The following PRKAR1B variants were observed in gnomAD, a reference collection of about 807,000 sequenced individuals.
PRKAR1B encodes cAMP-dependent protein kinase type I-beta regulatory subunit.
A neutral mutation model predicts 46.5 loss-of-function variants in PRKAR1B; 22 were observed. That is an observed-to-expected ratio of 0.47 (90% CI 0.34 to 0.68). The LOEUF is 0.68. Ranked by LOEUF, PRKAR1B falls within the 30% of genes least tolerant of loss-of-function variation. The probability of loss-of-function intolerance (pLI) is 0.01; values close to 1 mark genes in which losing one functional copy is unlikely to be tolerated. For synonymous variants in PRKAR1B, 259 were observed against 217.7 expected (o/e 1.19, Z -1.67); for missense variants, 445 against 535.6 (o/e 0.83, Z 1.67).
chr7:653,413 G>T (rs1785018157), intron 4 of PRKAR1B, among the ~76,000 whole-genome samples: 1 of 152,198 alleles, frequency 6.6e-6, no homozygotes, highest in South Asian at 2.1e-4. Context: ...GTGAGGGCTG[G>T]CTTCCAGAAG....
intron 9 of PRKAR1B, among the ~76,000 whole-genome samples, chr7:561,367 C>A (rs371789221): frequency 6.6e-6 from 1 of 152,352 alleles, no homozygotes; most frequent in African/African-American, 2.4e-5. Context: ...AATAAATAAG[C>A]CCCATGGATG....
At chr7:697,706 GC>G (rs1779817698) in intron 2 of PRKAR1B, among the ~76,000 whole-genome samples, 1 of 151,776 alleles carries the variant, frequency 6.6e-6, no homozygotes, top group Admixed American at 6.6e-5. Flanking sequence ...ATCATCCCCA[GC>G]CATGAGGCGG....
intron 2 of PRKAR1B, among the ~76,000 whole-genome samples, chr7:703,800 G>T (rs1780180785): frequency 6.6e-6 from 1 of 151,920 alleles, no homozygotes; most frequent in Non-Finnish European, 1.5e-5. Context: ...TATTCACCAA[G>T]ATAAAGCATA....
intron 4 of PRKAR1B, among the ~76,000 whole-genome samples, chr7:672,303 A>G (rs1271081760): frequency 6.6e-6 from 1 of 151,970 alleles, no homozygotes; most frequent in African/African-American, 2.4e-5. Flanking sequence ...GGCATGCGCA[A>G]CTGTGCTCAG....
intron 4 of PRKAR1B, among the ~76,000 whole-genome samples, chr7:649,019 C>T (rs1165616646): frequency 6.6e-6 from 1 of 151,986 alleles, no homozygotes; most frequent in Non-Finnish European, 1.5e-5. Flanking sequence ...CAAAAATTAG[C>T]CTGGCATGGT....
intron 9 of PRKAR1B, among the ~76,000 whole-genome samples, chr7:577,419 T>A (rs1779920988): frequency 6.6e-6 from 1 of 152,090 alleles, no homozygotes; most frequent in South Asian, 2.1e-4. Context: ...TTGGGGCGTG[T>A]GCTTAGGGAG....
At chr7:608,634 G>GA (rs1162481189) in intron 4 of PRKAR1B, among the ~76,000 whole-genome samples, 2 of 52,236 alleles carry the variant, frequency 3.8e-5, no homozygotes, top group African/African-American at 1.1e-4. Context: ...GGGCTGGGGG[G>GA]CCTCCACTGT....
chr7:726,616 A>G (rs943421715), intron 1 of PRKAR1B: 4 of 888,330 alleles, frequency 4.5e-6, no homozygotes, highest in South Asian at 5.6e-5. Flanking sequence ...GCGGGGAGGA[A>G]GTAGCCCGGC....
chr7:636,746 G>T (rs1201754046), intron 4 of PRKAR1B, among the ~76,000 whole-genome samples: 1 of 152,220 alleles, frequency 6.6e-6, no homozygotes, highest in Non-Finnish European at 1.5e-5. Context: ...GGGCCGGCGG[G>T]ACCTGACGGG....
chr7:685,284 ATATATGTATACATATATATATACG>A (rs67821513), intron 2 of PRKAR1B, among the ~76,000 whole-genome samples: 54,351 of 75,776 alleles, frequency 0.72, 20,749 homozygotes, highest in East Asian at 0.77. Flanking sequence ...ATATACGTAT[ATATATGTATACATATATATATACG>A]TATATATACG....
intron 4 of PRKAR1B, among the ~76,000 whole-genome samples, chr7:630,832 C>T (rs531556927): frequency 6.6e-6 from 1 of 152,296 alleles, no homozygotes; most frequent in Non-Finnish European, 1.5e-5. Flanking sequence ...CCAGGGAGCA[C>T]CATCACCCAG....
intron 2 of PRKAR1B, among the ~76,000 whole-genome samples, chr7:706,391 T>G (rs1268080343): frequency 6.6e-6 from 1 of 150,764 alleles, no homozygotes; most frequent in Non-Finnish European, 1.5e-5. Flanking sequence ...CTGGGGAAAC[T>G]CCCACGCTGT....
Position 677,316 on chromosome 7 carries a change from A to G in PRKAR1B, c.353T>C (p.Ile118Thr). Reference protein sequence around the residue: ...EDAVSYVRKVIPKDYKTMTAL... With the variant: ...EDAVSYVRKVTPKDYKTMTAL... Reference sequence around the variant, plus strand: ...AGTCATGGTTTTGTAGTCCTTGGGAATCACCTGAAGCGGAGCCAACACATC... The same window carrying G: ...AGTCATGGTTTTGTAGTCCTTGGGAGTCACCTGAAGCGGAGCCAACACATC... The change falls in exon 4 of 11, where the codon ATT (isoleucine) becomes ACT (threonine). Residue 118 changes from isoleucine (I) to threonine (T), a missense_variant. Ile to Thr is a moderately conservative substitution (Grantham distance 89, BLOSUM62 -1). Coordinates refer to ENST00000537384, the MANE Select transcript of PRKAR1B (RefSeq NM_001164760.2). 1 of 1,614,218 alleles carries G rather than the reference A, an allele frequency of 6.2e-7. No individual in the cohort carries two copies. The highest frequency in any genetic ancestry group is 8.5e-7 in the Non-Finnish European group (1 of 1,180,032).
chr7:708,014 C>G (rs763513567), intron 2 of PRKAR1B, among the ~76,000 whole-genome samples: 1 of 150,076 alleles, frequency 6.7e-6, no homozygotes, highest in Non-Finnish European at 1.5e-5. Flanking sequence ...AAGATGATCA[C>G]CAGCACCACC....
intron 2 of PRKAR1B, 66 bp downstream of exon 2, chr7:711,263 C>A: frequency 6.3e-7 from 1 of 1,580,274 alleles, no homozygotes; most frequent in Non-Finnish European, 8.6e-7. Context: ...GGGAAGGCTT[C>A]CCCGGCTGCC....
At chr7:552,492 A>C (rs1171349525) in intron 9 of PRKAR1B, among the ~76,000 whole-genome samples, 5 of 75,240 alleles carry the variant, frequency 6.6e-5, no homozygotes, top group East Asian at 3.3e-4. Context: ...CCAAACCCCC[A>C]CCTCCCACCC....
At chr7:579,022 G>A in intron 9 of PRKAR1B, 1 of 985,298 alleles carries the variant, frequency 1.0e-6, no homozygotes. Flanking sequence ...TCAGGCACCA[G>A]CCACCTACCT....
rs957035538 is a variant in PRKAR1B at position 560,515 on chromosome 7, C to A, written c.892-9045G>T. On this transcript the variant is annotated intron_variant, in intron 9 of 10. Transcript: ENST00000537384. This position sits in a 1 kb window ranked among gnomAD's most constrained non-coding sequence, Gnocchi z 4.2. ...AGGTGTTCAACACACGAGCTTAACCCAGGCTTCCCCCTGACCTGGCCAGGA... is the reference window on the plus strand; with the variant it reads ...AGGTGTTCAACACACGAGCTTAACCAAGGCTTCCCCCTGACCTGGCCAGGA... Among the ~76,000 whole-genome samples the A allele has an allele frequency of 1.3e-5, 2 of 152,110 alleles. No homozygotes were observed. Among genetic ancestry groups the A allele is most frequent in the Non-Finnish European group, 2.9e-5 (2 of 68,026 alleles).
At position 667,620 on chromosome 7, in the gene PRKAR1B, A is replaced by G. The variant is rs989652587; in HGVS notation, c.440+9609T>C. On this transcript the variant is annotated intron_variant, in intron 4 of 10. Transcript: ENST00000537384. This position sits in a 1 kb window ranked among gnomAD's most constrained non-coding sequence, Gnocchi z 4.3. ...GCAATGCCTAAATCACCCATTCTCA[A>G]TCTTCCTTCACCATGCAGGCAGGGT... 6.6e-6 allele frequency among the ~76,000 whole-genome samples: 1 copy of G among 152,136 alleles called. No homozygotes were observed. Among genetic ancestry groups the G allele is most frequent in the African/African-American group, 2.4e-5 (1 of 41,392 alleles).
Sources: allele counts gnomAD v4.1 joint callset (sites outside exome capture counted in the v4.1 genomes callset), GRCh38; gene constraint gnomAD v4.1.1; non-coding constraint Gnocchi (gnomAD v3.1); transcripts MANE v1.5; gene names NCBI Gene and HGNC (gene_info 2026-07-23, HGNC 2026-07-21).